MCTP2: variants seen among roughly 807,000 people sequenced by gnomAD.
The protein encoded by MCTP2 is multiple C2 and transmembrane domain-containing protein 2.
In MCTP2, 132 loss-of-function variants were observed where a neutral mutation model predicts 111.6. That is an observed-to-expected ratio of 1.18 (90% CI 1.03 to 1.37). MCTP2 has a LOEUF of 1.37. Among genes scored for constraint, MCTP2 ranks in the 40% most tolerant of loss-of-function variants. The probability of loss-of-function intolerance (pLI) is 0.00; values close to 1 mark genes in which losing one functional copy is unlikely to be tolerated. For synonymous variants in MCTP2, 395 were observed against 387.7 expected (o/e 1.02, Z -0.22); for missense variants, 1,183 against 1,067.9 (o/e 1.11, Z -1.50).
chr15:94,390,049 CATATATATATATATATATATAT>C (rs1169783409), intron 14 of MCTP2, among the ~76,000 whole-genome samples: 4,212 of 109,654 alleles, frequency 0.038, 140 homozygotes, highest in Middle Eastern at 0.049. Flanking sequence ...ATGTTCAAGG[CATATATATATATATATATATAT>C]ATATATATAT....
At chr15:94,347,917 CAT>C (rs71135508) in intron 8 of MCTP2, among the ~76,000 whole-genome samples, 11,072 of 148,718 alleles carry the variant, frequency 0.074, 559 homozygotes, top group African/African-American at 0.14. Context: ...CACACACACA[CAT>C]ACACTCCCCA....
intron 1 of MCTP2, among the ~76,000 whole-genome samples, chr15:94,269,149 T>A (rs987166026): frequency 2.6e-5 from 4 of 152,198 alleles, no homozygotes; most frequent in Admixed American, 2.6e-4. Context: ...CCCATTGAAG[T>A]ATCTCGTGTT....
chr15:94,244,230 TTATA>T lies in MCTP2; in HGVS notation c.-66+12569_-66+12572del, dbSNP rs1428313613. Among the ~76,000 whole-genome samples, 9 of 126,764 alleles carry T rather than the reference TTATA, an allele frequency of 7.1e-5. 1 individual carries two copies. The highest frequency in any genetic ancestry group is 2.1e-4 in the East Asian group (1 of 4,776). 83.2% of individuals were successfully genotyped at this position (126,764 alleles called of 152,430 possible). A position where few individuals can be genotyped will look rare whatever the true frequency, so the allele number is the denominator to read the frequency against. ...TATACACATACATATGTGTATATAT[TTATA>T]TACACGTGTATACACATATGTGTAT... On this transcript the variant is annotated intron_variant, in intron 1 of 22. Coordinates refer to ENST00000357742, the MANE Select transcript of MCTP2 (RefSeq NM_001385001.1).
chr15:94,238,355 T>C (rs904898783), intron 1 of MCTP2, among the ~76,000 whole-genome samples: 25 of 152,300 alleles, frequency 1.6e-4, no homozygotes, highest in African/African-American at 5.8e-4. Flanking sequence ...GTATATCGTA[T>C]GAATCATAAA....
chr15:94,379,943 A>C (rs1216582875), intron 12 of MCTP2, among the ~76,000 whole-genome samples: 1 of 148,830 alleles, frequency 6.7e-6, no homozygotes, highest in Non-Finnish European at 1.5e-5. Context: ...TATCCTCCTA[A>C]TAAATTTGAT....
chr15:94,293,409 T>C lies in MCTP2; in HGVS notation c.-65-4792T>C, dbSNP rs890866644. 4.6e-5 allele frequency among the ~76,000 whole-genome samples: 7 copies of C among 152,244 alleles called. No individual in the cohort carries two copies. The South Asian group carries it at 6.2e-4, about 13-fold the overall frequency. On this transcript the variant is annotated intron_variant, in intron 1 of 22. Transcript: ENST00000357742. ...TGTGTAAAAGTCTTGAATAGACAGC[T>C]TATCAAAGTAGATAAAAAGACAGGA...
chr15:94,466,389 G>C (rs2073302167), intron 20 of MCTP2, among the ~76,000 whole-genome samples: 1 of 152,032 alleles, frequency 6.6e-6, no homozygotes, highest in African/African-American at 2.4e-5. Context: ...GTCACCTTGG[G>C]ATACTACCAG....
intron 17 of MCTP2, among the ~76,000 whole-genome samples, chr15:94,415,954 G>A (rs972503735): frequency 6.6e-6 from 1 of 152,112 alleles, no homozygotes; most frequent in South Asian, 2.1e-4. Flanking sequence ...CCCAATGGCA[G>A]TTTAGGAAAT....
intron 1 of MCTP2, among the ~76,000 whole-genome samples, chr15:94,257,370 T>A (rs577243568): frequency 2.6e-5 from 4 of 152,084 alleles, no homozygotes; most frequent in African/African-American, 9.6e-5. Context: ...GAAAGCAGAT[T>A]CCTAGCATCC....
chr15:94,472,405 AAG>A (rs2074002609), intron 21 of MCTP2, among the ~76,000 whole-genome samples: 1 of 152,084 alleles, frequency 6.6e-6, no homozygotes, highest in African/African-American at 2.4e-5. Flanking sequence ...AAAAACGAAA[AAG>A]ACAAATACTC....
At chr15:94,401,659 T>C (rs749685356) in intron 16 of MCTP2, among the ~76,000 whole-genome samples, 16 of 152,234 alleles carry the variant, frequency 1.1e-4, no homozygotes, top group Admixed American at 6.5e-5. Flanking sequence ...TGCTGAACAT[T>C]GTTGAAACAG....
At chr15:94,340,068 T>C in intron 5 of MCTP2, 131 bp from the exon 6 acceptor site, 1 of 665,958 alleles carries the variant, frequency 1.5e-6, no homozygotes, top group Non-Finnish European at 2.6e-6. Context: ...TCTTTAACTA[T>C]ACTATGCAAA....
intron 2 of MCTP2, among the ~76,000 whole-genome samples, chr15:94,301,246 G>T (rs577415785): frequency 8.7e-4 from 133 of 152,262 alleles, no homozygotes; most frequent in Admixed American, 2.5e-3. Flanking sequence ...TGGCATGCTT[G>T]CAGAGGACGG....
At position 94,345,131 on chromosome 15, in the gene MCTP2, T is replaced by G; in HGVS notation, c.972T>G (p.Arg324=). Residue 324 remains arginine, a splice_region_variant and synonymous_variant, in exon 8 of 23, where the codon CGT becomes CGG. Transcript: ENST00000357742. ...ATTCCGCGGACACAAATCTTTAGCGTTGGTCAAATCGGAAGCGATTAAGTG... is the reference window on the plus strand; with the variant it reads ...ATTCCGCGGACACAAATCTTTAGCGGTGGTCAAATCGGAAGCGATTAAGTG... ...VVKQGDFKRH[R]WSNRKRLSAS... 6.2e-7 allele frequency: 1 copy of G among 1,612,830 alleles called. No individual in the cohort carries two copies. Among genetic ancestry groups the G allele is most frequent in the Non-Finnish European group, 8.5e-7 (1 of 1,179,132 alleles).
At chr15:94,333,631 G>A (rs1218926879) in intron 4 of MCTP2, among the ~76,000 whole-genome samples, 1 of 152,130 alleles carries the variant, frequency 6.6e-6, no homozygotes. Context: ...AAAATGATAA[G>A]TAAAATGAAG....
At chr15:94,342,850 A>C (rs112156688) in intron 7 of MCTP2, 90 of 151,032 alleles carry the variant, frequency 6.0e-4, no homozygotes, top group African/African-American at 1.9e-3. Context: ...TGATTTCTCC[A>C]TGAAAATAGC....
At position 94,370,097 on chromosome 15, in the gene MCTP2, A is replaced by G. The variant is rs761710640; in HGVS notation, c.1499A>G (p.Asn500Ser). Residue 500 changes from asparagine to serine, a missense_variant, in exon 12 of 23, where the codon AAC becomes AGC. Coordinates refer to ENST00000357742, the MANE Select transcript of MCTP2 (RefSeq NM_001385001.1). ...KQITQRYCLQNSLKDVKDVGI... is the reference protein window; with the variant it reads ...KQITQRYCLQSSLKDVKDVGI... ...CTTTTCAACCCTCAGTGCTTACAGAACTCCCTGAAAGATGTGAAAGACGTC... is the reference window on the plus strand; with the variant it reads ...CTTTTCAACCCTCAGTGCTTACAGAGCTCCCTGAAAGATGTGAAAGACGTC... 1 of 1,611,074 alleles carries G rather than the reference A, an allele frequency of 6.2e-7. No individual in the cohort carries two copies. Among genetic ancestry groups the G allele is most frequent in the South Asian group, 1.1e-5 (1 of 90,586 alleles).
At chr15:94,347,532 A>C (rs1336091005) in intron 8 of MCTP2, among the ~76,000 whole-genome samples, 1 of 152,046 alleles carries the variant, frequency 6.6e-6, no homozygotes, top group African/African-American at 2.4e-5. Context: ...CTTTTTTTCA[A>C]CTGTTTTCTT....
chr15:94,415,791 C>G (rs1437668579), intron 17 of MCTP2, among the ~76,000 whole-genome samples: 1 of 152,154 alleles, frequency 6.6e-6, no homozygotes, highest in Non-Finnish European at 1.5e-5. Context: ...AAGATCTCCT[C>G]TCTGCATTGG....
Sources: gnomAD v4.1 joint callset for allele counts (sites outside exome capture counted in the v4.1 genomes callset) on GRCh38, gnomAD v4.1.1 for gene constraint, MANE v1.5 for transcripts, NCBI Gene and HGNC (gene_info 2026-07-23, HGNC 2026-07-21) for gene names.